COG5: variants seen among roughly 807,000 people sequenced by gnomAD.
The protein encoded by COG5 is conserved oligomeric Golgi complex subunit 5.
Under a neutral mutation model 110.4 loss-of-function variants are expected in COG5, and 86 were observed. The observed-to-expected ratio is 0.78, with a 90% CI of 0.65 to 0.93. The LOEUF is 0.93. Ranked by LOEUF, COG5 falls within the 40% of genes least tolerant of loss-of-function variation. The pLI is 0.00. For synonymous variants in COG5, 360 were observed against 334.6 expected (o/e 1.08, Z -0.83); for missense variants, 1,077 against 987.0 (o/e 1.09, Z -1.22).
chr7:107,238,100 T>C (rs193079907), intron 17 of COG5, among the ~76,000 whole-genome samples: 2 of 152,310 alleles, frequency 1.3e-5, no homozygotes, highest in Admixed American at 1.3e-4. Flanking sequence ...TAAATACTTA[T>C]CATTTATTCC....
At chr7:107,215,014 A>G (rs569102313) in intron 19 of COG5, among the ~76,000 whole-genome samples, 1 of 152,196 alleles carries the variant, frequency 6.6e-6, no homozygotes, top group Non-Finnish European at 1.5e-5. Flanking sequence ...AAAATATTAA[A>G]ATGTGTAGGG....
At chr7:107,527,892 T>A (rs1339196173) in intron 5 of COG5, among the ~76,000 whole-genome samples, 1 of 152,142 alleles carries the variant, frequency 6.6e-6, no homozygotes, top group African/African-American at 2.4e-5. Context: ...AGCATTTCTA[T>A]GGGTTAGAAC....
Position 107,203,381 on chromosome 7 carries a change from A to G in COG5, c.*135T>C. 1.4e-6 allele frequency: 1 copy of G among 718,070 alleles called. No homozygotes were observed. The highest frequency in any genetic ancestry group is 2.5e-6 in the Non-Finnish European group (1 of 397,020). The allele number at this position is 718,070 out of a possible 1,614,324, so 44.5% of individuals were successfully genotyped here. On this transcript the variant is annotated 3_prime_UTR_variant, in exon 22 of 22. Transcript: ENST00000297135. ...AGTATAAGTGCTAAAGAGGTAAATA[A>G]ACGTCGATAGGAAATACCGAACAAT...
chr7:107,506,575 G>C (rs552369988), intron 6 of COG5, among the ~76,000 whole-genome samples: 279 of 152,276 alleles, frequency 1.8e-3, no homozygotes, highest in African/African-American at 6.0e-3. Flanking sequence ...GAAGTAACAG[G>C]TGATAGTAAA....
chr7:107,460,735 AGAT>A (rs1157101495), intron 6 of COG5, among the ~76,000 whole-genome samples: 3 of 152,136 alleles, frequency 2.0e-5, no homozygotes, highest in African/African-American at 7.2e-5. Flanking sequence ...AAAGAAAAAA[AGAT>A]GATAGAAATT....
intron 6 of COG5, among the ~76,000 whole-genome samples, chr7:107,437,014 A>C (rs1794409062): frequency 6.6e-6 from 1 of 152,202 alleles, no homozygotes; most frequent in African/African-American, 2.4e-5. Context: ...GCATGTATTG[A>C]CCAAGTCAAA....
At chr7:107,281,727 C>T (rs1222153398) in intron 13 of COG5, among the ~76,000 whole-genome samples, 2 of 152,072 alleles carry the variant, frequency 1.3e-5, no homozygotes, top group African/African-American at 2.4e-5. Context: ...AGAGGCATTG[C>T]ATATCACAGA....
intron 16 of COG5, among the ~76,000 whole-genome samples, chr7:107,250,800 C>T (rs969280107): frequency 2.6e-5 from 4 of 151,910 alleles, no homozygotes; most frequent in African/African-American, 9.7e-5. Flanking sequence ...AGGAAAGAGT[C>T]AATGAACCTG....
intron 8 of COG5, among the ~76,000 whole-genome samples, chr7:107,370,962 A>G (rs1055148530): frequency 3.3e-5 from 5 of 152,008 alleles, no homozygotes; most frequent in Admixed American, 6.6e-5. Context: ...AGAGGCATAC[A>G]TTAGGATTGA....
chr7:107,533,980 C>A (rs1801396453), intron 5 of COG5, among the ~76,000 whole-genome samples: 1 of 151,616 alleles, frequency 6.6e-6, no homozygotes, highest in Admixed American at 6.6e-5. Context: ...TGTAGAAACC[C>A]TACAAGCCAG....
At chr7:107,485,691 AG>A (rs1349845783) in intron 6 of COG5, among the ~76,000 whole-genome samples, 1 of 152,202 alleles carries the variant, frequency 6.6e-6, no homozygotes, top group Non-Finnish European at 1.5e-5. Flanking sequence ...GCACTTTTAA[AG>A]GGTCCATTAT....
chr7:107,499,498 C>T (rs1798501681), intron 6 of COG5, among the ~76,000 whole-genome samples: 1 of 151,886 alleles, frequency 6.6e-6, no homozygotes, highest in South Asian at 2.1e-4. Context: ...CTCTGCCTCC[C>T]AGGTTCAAGC....
In COG5 at chr7:107,527,241, T is replaced by G. The variant is rs765689232; in HGVS notation, c.534A>C (p.Glu178Asp). Residue 178 changes from glutamate (E) to aspartate (D), a missense_variant, in exon 6 of 22, where the codon GAA becomes GAC. Transcript: ENST00000297135. ...EITKAAQSLNELDYLSQGIDL... is the reference protein window; with the variant it reads ...EITKAAQSLNDLDYLSQGIDL... The stretch of plus-strand genomic sequence containing the variant: ...TAAAAAAAAAAAAAAACTTACCAAG[T>G]TCATTGAGACTCTGAGCAGCTTTTG... 6.4e-7 allele frequency: 1 copy of G among 1,574,770 alleles called. No homozygotes were observed. The highest frequency in any genetic ancestry group is 8.6e-7 in the Non-Finnish European group (1 of 1,158,134).
chr7:107,501,211 AT>A (rs1457846006), intron 6 of COG5, among the ~76,000 whole-genome samples: 1 of 152,012 alleles, frequency 6.6e-6, no homozygotes, highest in African/African-American at 2.4e-5. Context: ...ATTAAGACAC[AT>A]TTTTTTCAAA....
intron 6 of COG5, among the ~76,000 whole-genome samples, chr7:107,438,953 G>C (rs1225832352): frequency 6.6e-6 from 1 of 152,054 alleles, no homozygotes; most frequent in African/African-American, 2.4e-5. Flanking sequence ...GCTTCCTACT[G>C]ACACTTTCAG....
intron 10 of COG5, among the ~76,000 whole-genome samples, chr7:107,355,830 C>A (rs1172848705): frequency 6.6e-6 from 1 of 152,174 alleles, no homozygotes; most frequent in Non-Finnish European, 1.5e-5. Flanking sequence ...ACTAGTAAAA[C>A]CATTCTGTGT....
intron 6 of COG5, among the ~76,000 whole-genome samples, chr7:107,447,201 A>G (rs959459516): frequency 4.6e-5 from 7 of 151,860 alleles, no homozygotes; most frequent in African/African-American, 1.7e-4. Context: ...CTTCCATCTC[A>G]CGCTTTGAAT....
In COG5 at chr7:107,563,563, G is replaced by C. The variant is rs573341974; in HGVS notation, c.94+240C>G. Reference sequence around the variant, plus strand: ...GAGGCATGGGGGGGGGGGGGGTCGAGTTGAAATGAGGAACACACAGAAACC... The same window carrying C: ...GAGGCATGGGGGGGGGGGGGGTCGACTTGAAATGAGGAACACACAGAAACC... On this transcript the variant is annotated intron_variant, in intron 1 of 21. Transcript: ENST00000297135. 4.1e-5 allele frequency: 20 copies of C among 484,962 alleles called. No individual in the cohort carries two copies. The East Asian group carries it at 7.8e-4, about 19-fold the overall frequency. The allele number at this position is 484,962 out of a possible 1,614,324, so 30.0% of individuals were successfully genotyped here.
Position 107,361,930 on chromosome 7 carries a change from G to C in COG5, c.1026+103C>G, listed in dbSNP as rs1171965299. ...GAAATACACTTCTCTATTGCCATCTGATATGTAGCCACTCTATAAGGTAGT... is the reference window on the plus strand; with the variant it reads ...GAAATACACTTCTCTATTGCCATCTCATATGTAGCCACTCTATAAGGTAGT... On this transcript the variant is annotated intron_variant, in intron 10 of 21. Transcript: ENST00000297135. 6.7e-6 allele frequency: 5 copies of C among 742,398 alleles called. No homozygotes were observed. In the African/African-American group the frequency reaches 8.8e-5, roughly 13 times the overall value. 46.0% of individuals were successfully genotyped at this position (742,398 alleles called of 1,614,324 possible). A position where few individuals can be genotyped will look rare whatever the true frequency, so the allele number is the denominator to read the frequency against.
Sources: allele counts gnomAD v4.1 joint callset (sites outside exome capture counted in the v4.1 genomes callset), GRCh38; gene constraint gnomAD v4.1.1; transcripts MANE v1.5; gene names NCBI Gene and HGNC (gene_info 2026-07-23, HGNC 2026-07-21).